The following LYRM4 variants were observed in gnomAD, a reference collection of about 807,000 sequenced individuals.
The protein encoded by LYRM4 is LYR motif-containing protein 4.
LYRM4 carries 9 observed loss-of-function variants against 11.7 expected under a neutral mutation model. That is an observed-to-expected ratio of 0.77 (90% CI 0.46 to 1.34). The LOEUF (loss-of-function observed/expected upper bound fraction) is 1.34, where lower values mean the gene tolerates loss of function less well. LYRM4 is among the 40% of genes most tolerant of loss of function. The pLI is 0.00. For synonymous variants in LYRM4, 42 were observed against 40.4 expected (o/e 1.04, Z -0.15); for missense variants, 133 against 112.5 (o/e 1.18, Z -0.82).
chr6:5,155,092 A>AT (rs949534751), intron 2 of LYRM4, among the ~76,000 whole-genome samples: 2 of 151,854 alleles, frequency 1.3e-5, no homozygotes, highest in Non-Finnish European at 2.9e-5. Context: ...TATTATTATT[A>AT]TTTTTTTGAG....
In LYRM4 at chr6:5,108,429, C is replaced by T; in HGVS notation, c.*994G>A. 6 of 976,408 alleles carry T rather than the reference C, an allele frequency of 6.1e-6. No homozygotes were observed. The highest frequency in any genetic ancestry group is 7.3e-6 in the Non-Finnish European group (6 of 821,634). The allele number at this position is 976,408 out of a possible 1,614,324, so 60.5% of individuals were successfully genotyped here. A position where few individuals can be genotyped will look rare whatever the true frequency, so the allele number is the denominator to read the frequency against. The stretch of plus-strand genomic sequence containing the variant: ...ATCTGTTTCCAAGAATAAAAGCATA[C>T]AAACAATATCTTTATTACCTGTAAT... On this transcript the variant is annotated 3_prime_UTR_variant, in exon 3 of 3. Coordinates refer to ENST00000330636, the MANE Select transcript of LYRM4 (RefSeq NM_020408.6).
the LYRM4 span, among the ~76,000 whole-genome samples, chr6:5,072,576 G>GTT: frequency 2.8e-4 from 37 of 131,640 alleles, no homozygotes; most frequent in South Asian, 1.5e-3. Context: ...TCACATCAAA[G>GTT]TTTTTTTTTT....
Position 5,260,764 on chromosome 6 carries a change from C to T in LYRM4, c.-31G>A, listed in dbSNP as rs1765039700. On this transcript the variant is annotated 5_prime_UTR_variant, in exon 1 of 3. Coordinates refer to ENST00000330636, the MANE Select transcript of LYRM4 (RefSeq NM_020408.6). The stretch of plus-strand genomic sequence containing the variant: ...AAAGAAAAAAAAATAAACGGGTCCT[C>T]TTCGCCGAGGTCCCAAGTACGACCC... 6.5e-7 allele frequency: 1 copy of T among 1,539,080 alleles called. No homozygotes were observed. Among genetic ancestry groups the T allele is most frequent in the Non-Finnish European group, 8.7e-7 (1 of 1,146,514 alleles).
At chr6:5,146,653 T>C (rs1350690179) in intron 2 of LYRM4, among the ~76,000 whole-genome samples, 2 of 152,126 alleles carry the variant, frequency 1.3e-5, no homozygotes, top group African/African-American at 4.8e-5. Context: ...GCAGTTGTGG[T>C]GGGGCCCAGC....
chr6:5,168,952 C>T (rs1357601739), intron 2 of LYRM4, among the ~76,000 whole-genome samples: 10 of 151,900 alleles, frequency 6.6e-5, no homozygotes, highest in African/African-American at 2.4e-4. Flanking sequence ...CAAGACCTGG[C>T]AAATGTGGCA....
intron 2 of LYRM4, chr6:5,113,141 G>A (rs1762958927): frequency 4.1e-6 from 1 of 244,646 alleles, no homozygotes; most frequent in Non-Finnish European, 8.3e-6. Context: ...GGGCCAGTAA[G>A]AGTGCAGGTG....
intron 1 of LYRM4, among the ~76,000 whole-genome samples, chr6:5,225,245 A>AT (rs1282186608): frequency 7.2e-6 from 1 of 138,866 alleles, no homozygotes; most frequent in Non-Finnish European, 1.6e-5. Flanking sequence ...AAGACTCCGA[A>AT]TCAAAAAAAA....
intron 2 of LYRM4, among the ~76,000 whole-genome samples, chr6:5,183,524 A>G (rs958245747): frequency 2.0e-5 from 3 of 152,216 alleles, no homozygotes; most frequent in African/African-American, 7.2e-5. Flanking sequence ...CAATGCAATA[A>G]AGTTGGTAAA....
chr6:5,110,381 C>T (rs557589049), intron 2 of LYRM4, among the ~76,000 whole-genome samples: 1 of 152,272 alleles, frequency 6.6e-6, no homozygotes, highest in Non-Finnish European at 1.5e-5. Context: ...GTGAAGGCCC[C>T]GGACAGAAGG....
At position 5,165,731 on chromosome 6, in the gene LYRM4, C is replaced by T. The variant is rs73363020; in HGVS notation, c.207+50887G>A. ...CAGATTTTTGTAATTATACTAGAGA[C>T]GGGGTTTCACCGTGGTGGCTAGAGT... is the stretch of plus-strand genomic sequence containing the variant. On this transcript the variant is annotated intron_variant, in intron 2 of 2. Coordinates refer to ENST00000330636, the MANE Select transcript of LYRM4 (RefSeq NM_020408.6). Among the ~76,000 whole-genome samples the T allele has an allele frequency of 1.8e-3, 276 of 152,158 alleles. 6 individuals carry two copies. The highest frequency in any genetic ancestry group is 6.4e-3 in the African/African-American group (267 of 41,538).
At chr6:5,144,192 GTGCAGGGCTTCCC>G in intron 2 of LYRM4, 2 of 1,536,858 alleles carry the variant, frequency 1.3e-6, no homozygotes, top group South Asian at 2.4e-5. Context: ...AGGCCAACTT[GTGCAGGGCTTCCC>G]CAGGCTCCGG....
chr6:5,058,963 A>G, the LYRM4 span, among the ~76,000 whole-genome samples: 13 of 152,352 alleles, frequency 8.5e-5, no homozygotes, highest in South Asian at 1.2e-3. Flanking sequence ...AGCATACACA[A>G]TGAAAAGCAA....
chr6:5,074,665 G>A, the LYRM4 span, among the ~76,000 whole-genome samples: 1 of 150,524 alleles, frequency 6.6e-6, no homozygotes, highest in Non-Finnish European at 1.5e-5. Flanking sequence ...GGGTACATGT[G>A]CACAACATGC....
intron 2 of LYRM4, among the ~76,000 whole-genome samples, chr6:5,158,633 T>C (rs1163864470): frequency 6.6e-6 from 1 of 152,158 alleles, no homozygotes; most frequent in Non-Finnish European, 1.5e-5. Flanking sequence ...TGCACCACCA[T>C]GCCCGACTAA....
downstream of LYRM4, chr6:5,105,459 G>C (rs1762633758): frequency 6.6e-6 from 1 of 152,336 alleles, no homozygotes; most frequent in Non-Finnish European, 1.5e-5. Context: ...CCGAAAAGCT[G>C]GTCTCCCTGC....
intron 2 of LYRM4, among the ~76,000 whole-genome samples, chr6:5,192,064 A>C (rs1249433207): frequency 6.6e-6 from 1 of 152,236 alleles, no homozygotes; most frequent in African/African-American, 2.4e-5. Flanking sequence ...TTCTGGATTA[A>C]AAAAGTTATA....
chr6:5,040,459 T>C, the LYRM4 span, among the ~76,000 whole-genome samples: 1 of 151,254 alleles, frequency 6.6e-6, no homozygotes, highest in Admixed American at 6.6e-5. Context: ...CTCAGCATTT[T>C]GGGAGGCCCA....
At chr6:5,203,985 G>T (rs1761544570) in intron 2 of LYRM4, among the ~76,000 whole-genome samples, 1 of 152,178 alleles carries the variant, frequency 6.6e-6, no homozygotes, top group Non-Finnish European at 1.5e-5. Flanking sequence ...CTTATCATGG[G>T]CCCAGCGCTG....
chr6:5,212,624 A>G (rs977343776), intron 2 of LYRM4, among the ~76,000 whole-genome samples: 9 of 152,258 alleles, frequency 5.9e-5, no homozygotes, highest in Non-Finnish European at 1.0e-4. Context: ...GGGAGAACCT[A>G]TAAGAGCTTT....
Sources: allele counts gnomAD v4.1 joint callset (sites outside exome capture counted in the v4.1 genomes callset), GRCh38; gene constraint gnomAD v4.1.1; transcripts MANE v1.5; gene names NCBI Gene and HGNC (gene_info 2026-07-23, HGNC 2026-07-21).